Variants in TBC1D19 observed in about 807,000 individuals in gnomAD.
TBC1D19 encodes TBC1 domain family member 19, also known as TBC1 domain family, member 19.
Under a neutral mutation model 89.0 loss-of-function variants are expected in TBC1D19, and 60 were observed. The ratio of observed to expected loss-of-function variants is 0.67; its 90% CI spans 0.55 to 0.84. The LOEUF (loss-of-function observed/expected upper bound fraction) is 0.84, where lower values mean the gene tolerates loss of function less well. Ranked by LOEUF, TBC1D19 falls within the 40% of genes least tolerant of loss-of-function variation. The pLI, the probability that TBC1D19 is intolerant of heterozygous loss-of-function variation, is 0.00. For missense variants in TBC1D19, 500 were observed against 610.8 expected, an observed-to-expected ratio of 0.82 and a Z score of 1.91; for synonymous variants, 189 against 199.7, an observed-to-expected ratio of 0.95 and a Z score of 0.45.
intron 9 of TBC1D19, 114 bp downstream of exon 9, chr4:26,666,519 C>T: frequency 1.3e-6 from 1 of 762,614 alleles, no homozygotes; most frequent in Admixed American, 2.4e-5. Context: ...ACTAAGCATG[C>T]TTTTGCCTCT....
At chr4:26,595,358 G>A (rs1740141875) in intron 1 of TBC1D19, among the ~76,000 whole-genome samples, 1 of 152,090 alleles carries the variant, frequency 6.6e-6, no homozygotes, top group Non-Finnish European at 1.5e-5. Context: ...CTTCCAATCT[G>A]TGGCTAGTCT....
the TBC1D19 span, among the ~76,000 whole-genome samples, chr4:26,764,690 A>G: frequency 6.6e-6 from 1 of 152,184 alleles, no homozygotes; most frequent in Non-Finnish European, 1.5e-5. Flanking sequence ...GGAAGAACCT[A>G]TAATGATGGG....
At chr4:26,826,620 C>T in the TBC1D19 span, among the ~76,000 whole-genome samples, 10 of 152,142 alleles carry the variant, frequency 6.6e-5, no homozygotes, top group Non-Finnish European at 1.5e-4. Context: ...ATGATGTCCG[C>T]GTGTATTTTG....
chr4:26,640,099 T>C (rs369233453), intron 6 of TBC1D19, 42 bp from the exon 7 acceptor site: 13 of 1,326,058 alleles, frequency 9.8e-6, no homozygotes, highest in African/African-American at 7.3e-5. Flanking sequence ...AGCCTTCATA[T>C]ATTATTAGCT....
rs752019665 is a variant in TBC1D19 at position 26,584,164 on chromosome 4, C to T, written c.-30C>T. 2 of 1,599,752 alleles carry T rather than the reference C, an allele frequency of 1.3e-6. No individual in the cohort carries two copies. Among genetic ancestry groups the T allele is most frequent in the East Asian group, 2.3e-5 (1 of 44,398 alleles). On this transcript the variant is annotated 5_prime_UTR_variant, in exon 1 of 21. Transcript: ENST00000264866. ...GTTCGCTCCGCGCCGGCGGCCTGTCCCCGCGGCTTGGCGGGCTAGGGCAGG... is the reference window on the plus strand; with the variant it reads ...GTTCGCTCCGCGCCGGCGGCCTGTCTCCGCGGCTTGGCGGGCTAGGGCAGG...
At chr4:26,626,513 T>C (rs1474532102) in intron 4 of TBC1D19, among the ~76,000 whole-genome samples, 1 of 152,150 alleles carries the variant, frequency 6.6e-6, no homozygotes, top group East Asian at 1.9e-4. Context: ...GTGGTCTTAG[T>C]TCTCACTTTA....
At chr4:26,621,279 A>G (rs1459844604) in intron 4 of TBC1D19, among the ~76,000 whole-genome samples, 2 of 152,132 alleles carry the variant, frequency 1.3e-5, no homozygotes, top group African/African-American at 4.8e-5. Flanking sequence ...AGCTCTTTTA[A>G]CTGTCCTTCA....
chr4:26,605,787 CA>C (rs1480064483), intron 1 of TBC1D19, among the ~76,000 whole-genome samples: 2 of 152,162 alleles, frequency 1.3e-5, no homozygotes, highest in African/African-American at 4.8e-5. Flanking sequence ...TTTTGATTTG[CA>C]TTTCTCTGAT....
At chr4:26,674,002 T>C (rs765440827) in intron 11 of TBC1D19, 114 bp downstream of exon 11, 17 of 554,678 alleles carry the variant, frequency 3.1e-5, no homozygotes, top group Non-Finnish European at 4.5e-5. Flanking sequence ...TAACCCCCTT[T>C]TTAAATTTTC....
At chr4:26,641,678 T>C (rs927326677) in intron 7 of TBC1D19, among the ~76,000 whole-genome samples, 1 of 151,944 alleles carries the variant, frequency 6.6e-6, no homozygotes, top group African/African-American at 2.4e-5. Context: ...CTAAAAACCT[T>C]GAAAAAAGAT....
At chr4:26,770,228 TA>T in the TBC1D19 span, among the ~76,000 whole-genome samples, 1 of 152,056 alleles carries the variant, frequency 6.6e-6, no homozygotes, top group African/African-American at 2.4e-5. Context: ...CATTTTAATA[TA>T]AAGGCACAAT....
the TBC1D19 span, among the ~76,000 whole-genome samples, chr4:26,849,785 A>T: frequency 6.6e-6 from 1 of 152,240 alleles, no homozygotes; most frequent in Non-Finnish European, 1.5e-5. Flanking sequence ...TATTATGCCA[A>T]CTTTAAATCC....
At chr4:26,585,512 TG>T (rs1739358097) in intron 1 of TBC1D19, among the ~76,000 whole-genome samples, 1 of 152,118 alleles carries the variant, frequency 6.6e-6, no homozygotes. Context: ...ATTGTTGAGT[TG>T]TAAGGATTCT....
At chr4:26,593,097 G>C (rs1459150180) in intron 1 of TBC1D19, among the ~76,000 whole-genome samples, 2 of 152,104 alleles carry the variant, frequency 1.3e-5, no homozygotes, top group African/African-American at 4.8e-5. Context: ...TATACTACAA[G>C]GCTACAGTAA....
At chr4:26,771,128 T>C in the TBC1D19 span, among the ~76,000 whole-genome samples, 5 of 151,904 alleles carry the variant, frequency 3.3e-5, no homozygotes, top group Non-Finnish European at 7.4e-5. Flanking sequence ...GAAATGCAGA[T>C]TAAAACCACA....
chr4:26,816,805 T>C, the TBC1D19 span, among the ~76,000 whole-genome samples: 17 of 152,160 alleles, frequency 1.1e-4, no homozygotes, highest in African/African-American at 4.1e-4. Flanking sequence ...AGACAAAGAA[T>C]GAGGAACTGT....
the TBC1D19 span, among the ~76,000 whole-genome samples, chr4:26,816,265 T>C: frequency 1.3e-5 from 2 of 151,994 alleles, no homozygotes; most frequent in African/African-American, 4.8e-5. Flanking sequence ...TATGGAGCAA[T>C]TGCTACATTA....
the TBC1D19 span, among the ~76,000 whole-genome samples, chr4:26,815,415 C>T: frequency 6.6e-6 from 1 of 152,240 alleles, no homozygotes; most frequent in Admixed American, 6.5e-5. Flanking sequence ...CCTCTTACTA[C>T]CACAAAACAC....
In TBC1D19 at chr4:26,728,793, C is replaced by T. The variant is rs1323574680; in HGVS notation, c.1085-6662C>T. Among the ~76,000 whole-genome samples, 4 of 151,894 alleles carry T rather than the reference C, an allele frequency of 2.6e-5. No individual in the cohort carries two copies. In the East Asian group the frequency reaches 7.7e-4, roughly 29 times the overall value. ...CTTTGGGAGGTTGAGGCGGGCGGAT[C>T]ACGAGGTCAGGAGATCGAGACCATC... On this transcript the variant is annotated intron_variant, in intron 15 of 20. Transcript: ENST00000264866.
Sources: gnomAD v4.1 joint callset for allele counts (sites outside exome capture counted in the v4.1 genomes callset) on GRCh38, gnomAD v4.1.1 for gene constraint, MANE v1.5 for transcripts, NCBI Gene and HGNC (gene_info 2026-07-23, HGNC 2026-07-21) for gene names.